Variants in ENPP6 observed in about 807,000 individuals in gnomAD.
ENPP6 encodes the protein ectonucleotide pyrophosphatase/phosphodiesterase 6.
Under a neutral mutation model 42.0 loss-of-function variants are expected in ENPP6, and 32 were observed. The observed-to-expected ratio is 0.76, with a 90% confidence interval of 0.58 to 1.02. The LOEUF is 1.02. Among genes scored for constraint, ENPP6 ranks in the 50% least tolerant of loss-of-function variants. The pLI, the probability that ENPP6 is intolerant of heterozygous loss-of-function variation, is 0.00. For synonymous variants in ENPP6, 213 were observed against 216.0 expected, an observed-to-expected ratio of 0.99 and a Z score of 0.12; for missense variants, 552 against 566.8, an observed-to-expected ratio of 0.97 and a Z score of 0.27.
chr4:184,108,653 CTT>C (rs968899162), intron 6 of ENPP6, among the ~76,000 whole-genome samples: 11 of 152,140 alleles, frequency 7.2e-5, no homozygotes, highest in African/African-American at 2.7e-4. Context: ...CATATGGTGT[CTT>C]AATAATAAAA....
intron 2 of ENPP6, among the ~76,000 whole-genome samples, chr4:184,149,599 T>A (rs922442200): frequency 6.6e-6 from 1 of 152,164 alleles, no homozygotes; most frequent in African/African-American, 2.4e-5. Context: ...CCCAACACCA[T>A]TCCAGGAGCA....
chr4:184,153,473 C>T (rs1290617849), intron 2 of ENPP6, 81 bp downstream of exon 2: 26 of 1,461,970 alleles, frequency 1.8e-5, no homozygotes, highest in Non-Finnish European at 2.2e-5. Context: ...ACGGCTTGGT[C>T]TTCAAACAGT....
chr4:184,213,883 A>G (rs575411774), intron 1 of ENPP6, among the ~76,000 whole-genome samples: 10 of 126,064 alleles, frequency 7.9e-5, no homozygotes, highest in Non-Finnish European at 1.7e-4. Flanking sequence ...AATGTGGCAC[A>G]TATACACCAT....
intron 6 of ENPP6, among the ~76,000 whole-genome samples, chr4:184,108,706 TTAGTC>T (rs1161458454): frequency 9.5e-5 from 14 of 146,908 alleles, no homozygotes; most frequent in Admixed American, 6.4e-4. Context: ...ATTAAGATCT[TTAGTC>T]TAGGAAACTG....
intron 1 of ENPP6, among the ~76,000 whole-genome samples, chr4:184,175,624 G>A (rs549186585): frequency 2.4e-4 from 37 of 152,250 alleles, no homozygotes; most frequent in South Asian, 6.2e-4. Context: ...CCAGAAACTA[G>A]GCAGTCTCCC....
chr4:184,215,340 C>G (rs1394541651), intron 1 of ENPP6, among the ~76,000 whole-genome samples: 2 of 152,200 alleles, frequency 1.3e-5, no homozygotes, highest in African/African-American at 4.8e-5. Context: ...ATAAAATGCT[C>G]AAATGCTCAA....
rs536795868 is a variant in ENPP6 at position 184,216,263 on chromosome 4, A to G, written c.241+1316T>C. The stretch of plus-strand genomic sequence containing the variant: ...ACACATGCCAGGGGAGGGCCAGAGA[A>G]TTTTGTTAATTCTGTTTATCTTAGA... On this transcript the variant is annotated intron_variant, in intron 1 of 7. Coordinates refer to ENST00000296741, the MANE Select transcript of ENPP6 (RefSeq NM_153343.4). 7.3e-4 allele frequency among the ~76,000 whole-genome samples: 111 copies of G among 152,318 alleles called. 1 individual carries two copies. The highest frequency in any genetic ancestry group is 2.5e-3 in the African/African-American group (103 of 41,578).
Position 184,132,832 on chromosome 4 carries a change from CACATAT to C in ENPP6, c.422-8566_422-8561del, listed in dbSNP as rs1185002291. Among the ~76,000 whole-genome samples, 9 of 10,878 alleles carry C rather than the reference CACATAT, an allele frequency of 8.3e-4. No homozygotes were observed. The Admixed American group carries it at 0.01, about 13-fold the overall frequency. 7.1% of individuals were successfully genotyped at this position (10,878 alleles called of 152,430 possible). ...ATATACATATATACACACACACACACACATATATATATATATATATATATAAAATCT... is the reference window on the plus strand; with the variant it reads ...ATATACATATATACACACACACACACATATATATATATATATATAAAATCT... On this transcript the variant is annotated intron_variant, in intron 2 of 7. Coordinates refer to ENST00000296741, the MANE Select transcript of ENPP6 (RefSeq NM_153343.4).
intron 1 of ENPP6, among the ~76,000 whole-genome samples, chr4:184,156,696 T>C (rs1737164820): frequency 6.6e-6 from 1 of 152,218 alleles, no homozygotes; most frequent in Non-Finnish European, 1.5e-5. Context: ...CTGGGGGCTT[T>C]GAAATATGTG....
intron 1 of ENPP6, among the ~76,000 whole-genome samples, chr4:184,208,994 A>C (rs1428429882): frequency 1.3e-4 from 19 of 142,908 alleles, no homozygotes; most frequent in East Asian, 6.0e-4. Context: ...CTCACACGGC[A>C]GGGTATTCCA....
intron 1 of ENPP6, among the ~76,000 whole-genome samples, chr4:184,207,623 C>T (rs1206990489): frequency 6.6e-6 from 1 of 152,252 alleles, no homozygotes; most frequent in Non-Finnish European, 1.5e-5. Flanking sequence ...TGTAGAGACA[C>T]ACACCACGCC....
intron 1 of ENPP6, among the ~76,000 whole-genome samples, chr4:184,194,306 C>T (rs1173630807): frequency 6.6e-6 from 1 of 152,206 alleles, no homozygotes; most frequent in Non-Finnish European, 1.5e-5. Flanking sequence ...CTGCGTGCTC[C>T]CCCTCATCTT....
intron 1 of ENPP6, among the ~76,000 whole-genome samples, chr4:184,169,765 C>T (rs1454428725): frequency 1.3e-5 from 2 of 152,204 alleles, no homozygotes; most frequent in Non-Finnish European, 2.9e-5. Context: ...ATCTCACAAG[C>T]GACTTTGTGT....
At chr4:184,111,982 A>G (rs1471979238) in intron 6 of ENPP6, among the ~76,000 whole-genome samples, 1 of 152,218 alleles carries the variant, frequency 6.6e-6, no homozygotes, top group Non-Finnish European at 1.5e-5. Flanking sequence ...TACTGCAATT[A>G]CTTTTGAACC....
At chr4:184,179,662 A>C (rs1418034585) in intron 1 of ENPP6, among the ~76,000 whole-genome samples, 1 of 151,976 alleles carries the variant, frequency 6.6e-6, no homozygotes, top group Non-Finnish European at 1.5e-5. Context: ...TAACAAAAAA[A>C]ACCACAGTCT....
chr4:184,154,361 G>C (rs1004057026), intron 1 of ENPP6, among the ~76,000 whole-genome samples: 2 of 152,222 alleles, frequency 1.3e-5, no homozygotes, highest in East Asian at 1.9e-4. Context: ...CCAGAAGTGA[G>C]AGACGCAAAC....
At chr4:184,209,446 C>T (rs1352598892) in intron 1 of ENPP6, among the ~76,000 whole-genome samples, 2 of 151,596 alleles carry the variant, frequency 1.3e-5, no homozygotes, top group African/African-American at 4.9e-5. Context: ...AATGCAGAAG[C>T]CTCAGGAGCC....
At chr4:184,153,382 C>T (rs1275575693) in intron 2 of ENPP6, among the ~76,000 whole-genome samples, 172 bp downstream of exon 2, 2 of 152,164 alleles carry the variant, frequency 1.3e-5, no homozygotes, top group African/African-American at 4.8e-5. Flanking sequence ...CCTCGGCCTC[C>T]CAAAGTGCTG....
At chr4:184,190,815 A>C (rs962862365) in intron 1 of ENPP6, among the ~76,000 whole-genome samples, 3 of 152,190 alleles carry the variant, frequency 2.0e-5, no homozygotes, top group Non-Finnish European at 2.9e-5. Flanking sequence ...GTGACTTATC[A>C]AAAGAGGCCT....
Sources: allele counts gnomAD v4.1 joint callset (sites outside exome capture counted in the v4.1 genomes callset), GRCh38; gene constraint gnomAD v4.1.1; transcripts MANE v1.5; gene names NCBI Gene and HGNC (gene_info 2026-07-23, HGNC 2026-07-21).